PRKAR1B: variants seen among roughly 807,000 people sequenced by gnomAD.
The protein encoded by PRKAR1B is protein kinase cAMP-dependent type I regulatory subunit beta.
In PRKAR1B, 22 loss-of-function variants were observed where a neutral mutation model predicts 46.5. The observed-to-expected ratio is 0.47, with a 90% confidence interval of 0.34 to 0.68. The LOEUF (loss-of-function observed/expected upper bound fraction) is 0.68, where lower values mean the gene tolerates loss of function less well. PRKAR1B is among the 30% of genes least tolerant of loss of function. The pLI, the probability that PRKAR1B is intolerant of heterozygous loss-of-function variation, is 0.01. For missense variants in PRKAR1B, 445 were observed against 535.6 expected, an observed-to-expected ratio of 0.83 and a Z score of 1.67; for synonymous variants, 259 against 217.7, an observed-to-expected ratio of 1.19 and a Z score of -1.67.
chr7:689,280 C>G (rs897746082), intron 2 of PRKAR1B, among the ~76,000 whole-genome samples: 1 of 151,928 alleles, frequency 6.6e-6, no homozygotes, highest in South Asian at 2.1e-4. Context: ...CACCACCACA[C>G]CCGGCTAATT....
chr7:697,382 T>C (rs555721785), intron 2 of PRKAR1B, among the ~76,000 whole-genome samples: 1 of 152,226 alleles, frequency 6.6e-6, no homozygotes, highest in African/African-American at 2.4e-5. Context: ...TTCTCGCTCC[T>C]GTGGGGACAC....
chr7:591,606 C>G (rs1034248821), intron 7 of PRKAR1B, among the ~76,000 whole-genome samples: 2 of 152,190 alleles, frequency 1.3e-5, no homozygotes, highest in Non-Finnish European at 2.9e-5. Context: ...TTCCAGCACT[C>G]TGGGAGGCCA....
chr7:561,273 T>TGC (rs919493682), intron 9 of PRKAR1B, among the ~76,000 whole-genome samples: 19 of 151,262 alleles, frequency 1.3e-4, no homozygotes, highest in Non-Finnish European at 7.4e-5. Context: ...CACACGCCTG[T>TGC]GCACACACAC....
At chr7:583,408 GCACACCCA>G (rs879899046) in intron 8 of PRKAR1B, among the ~76,000 whole-genome samples, 609 of 58,202 alleles carry the variant, frequency 0.01, 16 homozygotes, top group Admixed American at 0.04. Context: ...CCACACGTGT[GCACACCCA>G]CGCACACACG....
chr7:702,502 ACCAGACAAAC>A (rs1334258328), intron 2 of PRKAR1B, among the ~76,000 whole-genome samples: 1 of 152,174 alleles, frequency 6.6e-6, no homozygotes, highest in Non-Finnish European at 1.5e-5. Context: ...GCAAAGGGAA[ACCAGACAAAC>A]TCAAAGAAAA....
In PRKAR1B at chr7:584,546, T is replaced by C; in HGVS notation, c.731A>G (p.Lys244Arg). 1 of 1,613,898 alleles carries C rather than the reference T, an allele frequency of 6.2e-7. No homozygotes were observed. Among genetic ancestry groups the C allele is most frequent in the Non-Finnish European group, 8.5e-7 (1 of 1,179,970 alleles). The change falls in exon 8 of 11, where the codon AAG becomes AGG. Residue 244 changes from lysine to arginine, a missense_variant. Lys to Arg is a conservative substitution (Grantham distance 26, BLOSUM62 2). This residue lies in a region of PRKAR1B where 51 missense variants were observed against 85.1 expected (regional missense o/e 0.60). Transcript: ENST00000537384. ...ILMGSTLRKR[K>R]MYEEFLSKVS... ...CTTGCTGAGGAACTCCTCGTACATCTTGCGTTTCCTCAGCGTGCTGCCCTG... is the reference window on the plus strand; with the variant it reads ...CTTGCTGAGGAACTCCTCGTACATCCTGCGTTTCCTCAGCGTGCTGCCCTG...
At chr7:693,285 T>C (rs1305448746) in intron 2 of PRKAR1B, among the ~76,000 whole-genome samples, 1 of 150,858 alleles carries the variant, frequency 6.6e-6, no homozygotes, top group Admixed American at 6.6e-5. Flanking sequence ...AACTTAAAGT[T>C]AACAATCAAC....
chr7:601,013 G>A (rs148635444), intron 6 of PRKAR1B, among the ~76,000 whole-genome samples: 1,898 of 152,272 alleles, frequency 0.012, 44 homozygotes, highest in African/African-American at 0.04. Flanking sequence ...TCACCTGGCC[G>A]TCCCCCTGGA....
At chr7:655,789 AG>A (rs1785157469) in intron 4 of PRKAR1B, among the ~76,000 whole-genome samples, 1 of 152,160 alleles carries the variant, frequency 6.6e-6, no homozygotes, top group Non-Finnish European at 1.5e-5. Flanking sequence ...CATATGATTC[AG>A]AGTTGGTTCC....
chr7:683,372 G>A (rs574955027), intron 2 of PRKAR1B, among the ~76,000 whole-genome samples: 11 of 152,284 alleles, frequency 7.2e-5, no homozygotes, highest in African/African-American at 2.6e-4. Flanking sequence ...GGATTTCTGA[G>A]AATTGGCCAT....
Position 666,537 on chromosome 7 carries a change from G to A in PRKAR1B, c.440+10692C>T, listed in dbSNP as rs1419782355. On this transcript the variant is annotated intron_variant, in intron 4 of 10. Coordinates refer to ENST00000537384, the MANE Select transcript of PRKAR1B (RefSeq NM_001164760.2). The surrounding 1 kb of genome is among the most constrained non-coding windows in gnomAD (Gnocchi z 4.9). ...AACTCTGCAGAGGGGCTGTGCAGGT[G>A]CCGTCCCAGGGGATAAGGACACCCC... Among the ~76,000 whole-genome samples, 1 of 152,208 alleles carries A rather than the reference G, an allele frequency of 6.6e-6. No homozygotes were observed. Among genetic ancestry groups the A allele is most frequent in the Non-Finnish European group, 1.5e-5 (1 of 68,028 alleles).
At chr7:715,614 C>G (rs1780844538) in intron 1 of PRKAR1B, among the ~76,000 whole-genome samples, 1 of 152,138 alleles carries the variant, frequency 6.6e-6, no homozygotes, top group African/African-American at 2.4e-5. Context: ...TTTCTAAGCC[C>G]TGTGGGGTCT....
chr7:597,640 G>A (rs2128457477), intron 6 of PRKAR1B, among the ~76,000 whole-genome samples: 1 of 152,342 alleles, frequency 6.6e-6, no homozygotes, highest in East Asian at 1.9e-4. Context: ...AGGGGCGAGG[G>A]GACCTCAGAG....
intron 2 of PRKAR1B, among the ~76,000 whole-genome samples, chr7:700,431 GAA>G (rs1339406796): frequency 6.6e-6 from 1 of 152,120 alleles, no homozygotes; most frequent in Non-Finnish European, 1.5e-5. Flanking sequence ...ACATAATATA[GAA>G]AATGTCCAGG....
At chr7:671,089 G>A (rs1786227928) in intron 4 of PRKAR1B, among the ~76,000 whole-genome samples, 1 of 152,198 alleles carries the variant, frequency 6.6e-6, no homozygotes, top group South Asian at 2.1e-4. Flanking sequence ...TGAAGCGACC[G>A]TCCACCTCCT....
At chr7:699,824 T>C (rs1716722195) in intron 2 of PRKAR1B, among the ~76,000 whole-genome samples, 1 of 152,046 alleles carries the variant, frequency 6.6e-6, no homozygotes, top group African/African-American at 2.4e-5. Flanking sequence ...AGGAGAGCAC[T>C]GGAAAGGTTT....
At chr7:706,147 G>A (rs1481147027) in intron 2 of PRKAR1B, among the ~76,000 whole-genome samples, 1 of 152,070 alleles carries the variant, frequency 6.6e-6, no homozygotes, top group Non-Finnish European at 1.5e-5. Flanking sequence ...GCAACATGGC[G>A]AAATCCCGTC....
intron 2 of PRKAR1B, among the ~76,000 whole-genome samples, chr7:686,712 C>T (rs1486983775): frequency 1.3e-5 from 2 of 152,024 alleles, no homozygotes; most frequent in African/African-American, 2.4e-5. Flanking sequence ...TTGAAAGCAT[C>T]AGAGAGCTAC....
chr7:579,343 C>T lies in PRKAR1B; in HGVS notation c.804G>A (p.Ala268=), dbSNP rs756889268. 6.3e-5 allele frequency: 102 copies of T among 1,614,014 alleles called. No homozygotes were observed. Among genetic ancestry groups the T allele is most frequent in the East Asian group, 2.0e-4 (9 of 44,894 alleles). Residue 268 remains alanine (A), a synonymous_variant, in exon 9 of 11, where the codon GCG becomes GCA. Transcript: ENST00000537384. ...CAAACTGGACGGGCTCCAGCGCATC[C>T]GCCACGGTCAGACGCTCCCACTTCT... The part of the protein sequence containing the change: ...SLEKWERLTV[A]DALEPVQFED...
Sources: gnomAD v4.1 joint callset for allele counts (sites outside exome capture counted in the v4.1 genomes callset) on GRCh38, gnomAD v4.1.1 for gene constraint, gnomAD v4.1.1 regional missense constraint, Gnocchi (gnomAD v3.1) non-coding constraint, MANE v1.5 for transcripts, NCBI Gene and HGNC (gene_info 2026-07-23, HGNC 2026-07-21) for gene names.